ME1: variants seen among roughly 807,000 people sequenced by gnomAD.
ME1 encodes the protein malic enzyme 1, also known as NADP-dependent malic enzyme.
In ME1, 74 loss-of-function variants were observed where a neutral mutation model predicts 66.4. The observed-to-expected ratio is 1.11, with a 90% CI of 0.92 to 1.35. The LOEUF (loss-of-function observed/expected upper bound fraction) is 1.35, where lower values mean the gene tolerates loss of function less well. Among genes scored for constraint, ME1 ranks in the 40% most tolerant of loss-of-function variants. The probability of loss-of-function intolerance (pLI) is 0.00; values close to 1 mark genes in which losing one functional copy is unlikely to be tolerated. For synonymous variants in ME1, 251 were observed against 235.6 expected (o/e 1.07, Z -0.60); for missense variants, 750 against 694.1 (o/e 1.08, Z -0.90).
intron 12 of ME1, 138 bp downstream of exon 12, chr6:83,223,622 A>G: frequency 1.4e-6 from 1 of 723,248 alleles, no homozygotes; most frequent in South Asian, 2.2e-5. Context: ...CACCCCTTAT[A>G]CTCCACTGGG....
chr6:83,341,522 T>C (rs1247434012), intron 5 of ME1, among the ~76,000 whole-genome samples: 1 of 152,162 alleles, frequency 6.6e-6, no homozygotes, highest in Non-Finnish European at 1.5e-5. Flanking sequence ...CTAAACTACC[T>C]TTTATAAAGG....
intron 5 of ME1, among the ~76,000 whole-genome samples, chr6:83,321,417 T>G (rs1768171066): frequency 6.6e-6 from 1 of 152,200 alleles, no homozygotes; most frequent in Non-Finnish European, 1.5e-5. Context: ...CTTGAAATTC[T>G]TGCTGCCAGC....
At chr6:83,418,590 T>C (rs898787957) in intron 1 of ME1, among the ~76,000 whole-genome samples, 1 of 152,180 alleles carries the variant, frequency 6.6e-6, no homozygotes, top group Non-Finnish European at 1.5e-5. Context: ...GAGTAATGTT[T>C]GAACAAATGT....
chr6:83,324,933 A>G (rs770126085), intron 5 of ME1, among the ~76,000 whole-genome samples: 7 of 152,310 alleles, frequency 4.6e-5, no homozygotes, highest in Admixed American at 2.0e-4. Context: ...TTTCAGGCCA[A>G]TATCTCTGAC....
chr6:83,314,014 CTAGT>C (rs1324705796), intron 6 of ME1, among the ~76,000 whole-genome samples: 2 of 152,144 alleles, frequency 1.3e-5, no homozygotes. Context: ...AAGTGCATCT[CTAGT>C]TAGAGTTAAT....
At position 83,374,590 on chromosome 6, in the gene ME1, CTTTAG is replaced by C. The variant is rs570395019; in HGVS notation, c.363-22456_363-22452del. On this transcript the variant is annotated intron_variant, in intron 3 of 13. Coordinates refer to ENST00000369705, the MANE Select transcript of ME1 (RefSeq NM_002395.6). The stretch of plus-strand genomic sequence containing the variant: ...CAGTTTCTTTTGCTGTGCAGAAGCT[CTTTAG>C]TTTAAGTAGATCCCATTTGTCAATT... 5.1e-4 allele frequency among the ~76,000 whole-genome samples: 77 copies of C among 152,242 alleles called. 1 individual carries two copies. Among genetic ancestry groups the C allele is most frequent in the African/African-American group, 1.7e-3 (71 of 41,530 alleles).
At chr6:83,288,761 A>T (rs1470710280) in intron 6 of ME1, among the ~76,000 whole-genome samples, 1 of 152,138 alleles carries the variant, frequency 6.6e-6, no homozygotes, top group Non-Finnish European at 1.5e-5. Flanking sequence ...GGCCATTTTC[A>T]TGATATTTAT....
In ME1 at chr6:83,235,444, T is replaced by C. The variant is rs1420084276; in HGVS notation, c.1026+2273A>G. Among the ~76,000 whole-genome samples the C allele has an allele frequency of 3.3e-5, 5 of 151,764 alleles. No homozygotes were observed. In the East Asian group the frequency reaches 9.6e-4, roughly 29 times the overall value. On this transcript the variant is annotated intron_variant, in intron 9 of 13. Coordinates refer to ENST00000369705, the MANE Select transcript of ME1 (RefSeq NM_002395.6). ...ATGACAGTGTACAAAATTTTCATAC[T>C]ATGCTGATTCTTCAAAGCAATAGCT...
chr6:83,274,092 T>C (rs940122204), intron 6 of ME1, among the ~76,000 whole-genome samples: 7 of 152,226 alleles, frequency 4.6e-5, no homozygotes, highest in African/African-American at 1.7e-4. Flanking sequence ...TGTCACCTAA[T>C]GCTCTGCTAA....
chr6:83,343,382 C>G (rs1173002079), intron 5 of ME1, among the ~76,000 whole-genome samples: 3 of 152,154 alleles, frequency 2.0e-5, no homozygotes, highest in Non-Finnish European at 4.4e-5. Context: ...AAAGGTCTCT[C>G]AAAGACCTCT....
At chr6:83,420,284 C>T (rs1274282297) in intron 1 of ME1, among the ~76,000 whole-genome samples, 2 of 152,066 alleles carry the variant, frequency 1.3e-5, no homozygotes, top group Non-Finnish European at 2.9e-5. Flanking sequence ...GCCAGGCTGG[C>T]CTCGAACTCC....
chr6:83,389,683 T>C (rs750275562), intron 3 of ME1, among the ~76,000 whole-genome samples: 10 of 152,144 alleles, frequency 6.6e-5, no homozygotes, highest in Non-Finnish European at 1.3e-4. Context: ...CCATTACATA[T>C]ACCTGCATTA....
intron 9 of ME1, among the ~76,000 whole-genome samples, chr6:83,233,344 T>C (rs1790338176): frequency 6.6e-6 from 1 of 152,126 alleles, no homozygotes; most frequent in South Asian, 2.1e-4. Flanking sequence ...AAGCATCTTA[T>C]GTTTATTACT....
intron 3 of ME1, among the ~76,000 whole-genome samples, chr6:83,357,935 C>CTCTCTCTCTCTCTCTCTATATATA (rs1447805761): frequency 6.7e-5 from 2 of 30,038 alleles, no homozygotes; most frequent in Non-Finnish European, 1.2e-4. Flanking sequence ...CTCTCTCTCT[C>CTCTCTCTCTCTCTCTCTATATATA]TATATATATA....
chr6:83,356,564 C>T (rs1292548515), intron 3 of ME1, among the ~76,000 whole-genome samples: 2 of 151,922 alleles, frequency 1.3e-5, no homozygotes, highest in Admixed American at 1.3e-4. Flanking sequence ...TTAGTACCCA[C>T]AATAAAAGAA....
chr6:83,328,995 C>T (rs559656545), intron 5 of ME1, among the ~76,000 whole-genome samples: 2 of 152,278 alleles, frequency 1.3e-5, no homozygotes, highest in African/African-American at 4.8e-5. Context: ...CTGCACCCTT[C>T]AGAATTTATA....
chr6:83,303,307 C>T (rs751879580), intron 6 of ME1, among the ~76,000 whole-genome samples: 6 of 152,210 alleles, frequency 3.9e-5, no homozygotes, highest in Middle Eastern at 6.8e-3. Context: ...TATCTATGTA[C>T]CTTTTTTATT....
rs1790549722 is a variant in ME1, at chr6:83,243,527, TCGATATAATCTA to T, written c.815-3903_815-3892del. ...TATAATCTATTATAATTATATTATA[TCGATATAATCTA>T]TTATAATTATATTATATCGATATAA... On this transcript the variant is annotated intron_variant, in intron 7 of 13. Coordinates refer to ENST00000369705, the MANE Select transcript of ME1 (RefSeq NM_002395.6). Among the ~76,000 whole-genome samples, 4 of 122,800 alleles carry T rather than the reference TCGATATAATCTA, an allele frequency of 3.3e-5. No individual in the cohort carries two copies. The East Asian group carries it at 6.2e-4, about 19-fold the overall frequency. The allele number at this position is 122,800 out of a possible 152,430, so 80.6% of individuals were successfully genotyped here. A position where few individuals can be genotyped will look rare whatever the true frequency, so the allele number is the denominator to read the frequency against.
intron 1 of ME1, among the ~76,000 whole-genome samples, chr6:83,418,661 T>C (rs770820891): frequency 3.9e-5 from 6 of 152,194 alleles, no homozygotes; most frequent in Middle Eastern, 3.2e-3. Flanking sequence ...CTCACAGATA[T>C]CATTGAGTGA....
Sources: gnomAD v4.1 joint callset for allele counts (sites outside exome capture counted in the v4.1 genomes callset) on GRCh38, gnomAD v4.1.1 for gene constraint, MANE v1.5 for transcripts, NCBI Gene and HGNC (gene_info 2026-07-23, HGNC 2026-07-21) for gene names.